PTPRG: variants seen among roughly 807,000 people sequenced by gnomAD.
The protein encoded by PTPRG is receptor-type tyrosine-protein phosphatase gamma.
Under a neutral mutation model 165.3 loss-of-function variants are expected in PTPRG, and 102 were observed. That is an observed-to-expected ratio of 0.62 (90% CI 0.53 to 0.73). PTPRG has a LOEUF of 0.73. Ranked by LOEUF, PTPRG falls within the 30% of genes least tolerant of loss-of-function variation. The pLI is 0.00. For synonymous variants in PTPRG, 675 were observed against 669.5 expected, an observed-to-expected ratio of 1.01 and a Z score of -0.13; for missense variants, 1,866 against 1,861.4, an observed-to-expected ratio of 1.00 and a Z score of -0.05.
chr3:61,606,402 T>G (rs746747303), intron 1 of PTPRG, among the ~76,000 whole-genome samples: 2 of 152,276 alleles, frequency 1.3e-5, no homozygotes, highest in South Asian at 2.1e-4. Flanking sequence ...CTCACCTGAT[T>G]AGGTCAGGCC....
intron 1 of PTPRG, among the ~76,000 whole-genome samples, chr3:61,699,110 T>G (rs2030794117): frequency 6.6e-6 from 1 of 152,130 alleles, no homozygotes; most frequent in South Asian, 2.1e-4. Flanking sequence ...ACATGGCACA[T>G]GTATACATAT....
At chr3:61,775,010 A>G (rs1019253656) in intron 2 of PTPRG, among the ~76,000 whole-genome samples, 3 of 151,900 alleles carry the variant, frequency 2.0e-5, no homozygotes, top group African/African-American at 7.3e-5. Context: ...CTCCTTCCCA[A>G]CCCCAGTTAA....
intron 20 of PTPRG, among the ~76,000 whole-genome samples, chr3:62,270,540 T>G (rs1304861784): frequency 3.3e-5 from 5 of 152,156 alleles, no homozygotes; most frequent in African/African-American, 1.2e-4. Context: ...AGAAACAGCT[T>G]AAGTCAGAGG....
At chr3:61,941,573 A>C (rs993427324) in intron 2 of PTPRG, among the ~76,000 whole-genome samples, 2 of 152,184 alleles carry the variant, frequency 1.3e-5, no homozygotes, top group Admixed American at 1.3e-4. Context: ...CAGTGAGCCG[A>C]GAGCGCCACT....
chr3:62,054,668 C>T (rs2106665420), intron 4 of PTPRG, among the ~76,000 whole-genome samples: 1 of 152,252 alleles, frequency 6.6e-6, no homozygotes, highest in East Asian at 1.9e-4. Flanking sequence ...TTGAATTCTT[C>T]CAGGTATTTG....
intron 13 of PTPRG, among the ~76,000 whole-genome samples, chr3:62,223,314 C>A (rs1421008084): frequency 2.0e-5 from 3 of 152,188 alleles, no homozygotes; most frequent in Non-Finnish European, 4.4e-5. Flanking sequence ...CACACTCCAC[C>A]ACACTGTTTA....
intron 8 of PTPRG, among the ~76,000 whole-genome samples, chr3:62,188,985 C>T (rs904617268): frequency 2.2e-4 from 34 of 151,996 alleles, no homozygotes; most frequent in African/African-American, 7.2e-4. Context: ...ACTATGAAGC[C>T]ACTTAGAAGC....
At position 61,700,006 on chromosome 3, in the gene PTPRG, C is replaced by G. The variant is rs73099132; in HGVS notation, c.86-48872C>G. 6.1e-3 allele frequency among the ~76,000 whole-genome samples: 926 copies of G among 152,140 alleles called. 6 individuals are homozygous for G. Among genetic ancestry groups the G allele is most frequent in the Admixed American group, 0.011 (169 of 15,274 alleles). The stretch of plus-strand genomic sequence containing the variant: ...TTTTGAGGGCCCTTCAAGTTTAGGT[C>G]AGTGATATCTGGGATTCTGGGTTCT... On this transcript the variant is annotated intron_variant, in intron 1 of 29. Transcript: ENST00000474889.
At chr3:61,641,029 T>C (rs1375008586) in intron 1 of PTPRG, among the ~76,000 whole-genome samples, 1 of 152,178 alleles carries the variant, frequency 6.6e-6, no homozygotes, top group Admixed American at 6.6e-5. Context: ...GGCTAGAAGA[T>C]GTCCAGGCAG....
chr3:61,830,804 C>G (rs1403022387), intron 2 of PTPRG, among the ~76,000 whole-genome samples: 1 of 152,124 alleles, frequency 6.6e-6, no homozygotes, highest in Non-Finnish European at 1.5e-5. Flanking sequence ...GAACTCCCGA[C>G]CTCAGGTGAT....
chr3:62,167,940 T>C (rs1705059763), intron 7 of PTPRG, 31 bp from the exon 8 acceptor site: 12 of 1,569,942 alleles, frequency 7.6e-6, no homozygotes, highest in Admixed American at 1.7e-5. Flanking sequence ...TGTTTTTTTT[T>C]TCCCCCTCCC....
chr3:61,653,824 A>G (rs548096905), intron 1 of PTPRG, among the ~76,000 whole-genome samples: 1 of 148,918 alleles, frequency 6.7e-6, no homozygotes, highest in Non-Finnish European at 1.5e-5. Flanking sequence ...CACTGTTCCC[A>G]GTTATCTAGT....
At chr3:61,987,844 C>T (rs2040798334) in intron 2 of PTPRG, among the ~76,000 whole-genome samples, 1 of 152,006 alleles carries the variant, frequency 6.6e-6, no homozygotes, top group African/African-American at 2.4e-5. Context: ...TCGTTCGTCT[C>T]CTTTTTTTTC....
chr3:62,216,436 G>A (rs1340141008), intron 12 of PTPRG, among the ~76,000 whole-genome samples: 1 of 152,076 alleles, frequency 6.6e-6, no homozygotes, highest in Non-Finnish European at 1.5e-5. Flanking sequence ...CTGTACCCAA[G>A]GGCTTCACAG....
At chr3:61,773,801 G>A (rs1308691266) in intron 2 of PTPRG, among the ~76,000 whole-genome samples, 1 of 150,292 alleles carries the variant, frequency 6.7e-6, no homozygotes, top group East Asian at 2.0e-4. Flanking sequence ...TTGAGACAGA[G>A]TCTTACTCTG....
chr3:62,060,307 G>A (rs1700767651), intron 4 of PTPRG, among the ~76,000 whole-genome samples: 1 of 151,962 alleles, frequency 6.6e-6, no homozygotes, highest in South Asian at 2.1e-4. Context: ...GAAGGAAACT[G>A]AAGAACTGCA....
At position 61,673,433 on chromosome 3, in the gene PTPRG, T is replaced by C. The variant is rs556384656; in HGVS notation, c.86-75445T>C. On this transcript the variant is annotated intron_variant, in intron 1 of 29. Transcript: ENST00000474889. ...AGTGGGGCTCTCATTGAGGTAGTTC[T>C]CAGTCTGCAAAATGAAGATGATACA... 9.8e-5 allele frequency among the ~76,000 whole-genome samples: 15 copies of C among 152,326 alleles called. No individual in the cohort carries two copies. The South Asian group carries it at 2.3e-3, about 23-fold the overall frequency.
At chr3:61,821,388 C>G (rs581707) in intron 2 of PTPRG, among the ~76,000 whole-genome samples, 36,786 of 152,068 alleles carry the variant, frequency 0.24, 4,608 homozygotes, top group East Asian at 0.36. Flanking sequence ...CCAGGATGGT[C>G]TCTATCTCCT....
At chr3:61,941,480 G>A (rs1246634954) in intron 2 of PTPRG, among the ~76,000 whole-genome samples, 4 of 152,070 alleles carry the variant, frequency 2.6e-5, no homozygotes, top group African/African-American at 9.7e-5. Flanking sequence ...AAAATTAGCC[G>A]GGCATGGCGG....
Sources: gnomAD v4.1 joint callset for allele counts (sites outside exome capture counted in the v4.1 genomes callset) on GRCh38, gnomAD v4.1.1 for gene constraint, MANE v1.5 for transcripts, NCBI Gene and HGNC (gene_info 2026-07-23, HGNC 2026-07-21) for gene names.